VRK2: variants seen among roughly 807,000 people sequenced by gnomAD.
The protein encoded by VRK2 is VRK serine/threonine kinase 2, also known as serine/threonine-protein kinase VRK2.
VRK2 carries 60 observed loss-of-function variants against 57.6 expected under a neutral mutation model. The observed-to-expected ratio is 1.04, with a 90% CI of 0.85 to 1.29. The LOEUF is 1.29. Ranked by LOEUF, VRK2 falls within the 50% of genes most tolerant of loss-of-function variation. The pLI is 0.00. For synonymous variants in VRK2, 231 were observed against 199.2 expected (o/e 1.16, Z -1.35); for missense variants, 705 against 588.1 (o/e 1.20, Z -2.06).
chr2:57,911,916 T>C (rs1207548922), intron 1 of VRK2, among the ~76,000 whole-genome samples: 1 of 152,168 alleles, frequency 6.6e-6, no homozygotes, highest in Non-Finnish European at 1.5e-5. Flanking sequence ...ACTGGGAATA[T>C]AATGAGTTAT....
chr2:57,957,628 C>CTATA (rs72419717), intron 1 of VRK2, among the ~76,000 whole-genome samples: 2,665 of 144,984 alleles, frequency 0.018, 100 homozygotes, highest in African/African-American at 0.061. Context: ...ATATATATTT[C>CTATA]TATATATATA....
rs561406931 is a variant in VRK2, at chr2:57,960,737, A to G, written c.-439+52898A>G. On this transcript the variant is annotated intron_variant, in intron 1 of 15. Coordinates refer to the VRK2 transcript ENST00000417641. ...AGCAAAGTAGATTAAAGCGGAAGAA[A>G]TGAAATTAAATACAGATTAGATGTG... Among the ~76,000 whole-genome samples the G allele has an allele frequency of 1.2e-4, 18 of 152,324 alleles. 1 individual carries two copies. In the South Asian group the frequency reaches 3.7e-3, roughly 32 times the overall value.
rs1673422337 is a variant in VRK2, at chr2:58,011,661, TATTTTATTTTGTAA to T, written c.-438-13992_-438-13979del. ...ATGGTATTTACATTTTATTTTGTTA[TATTTTATTTTGTAA>T]ATTTTATTTTGACATTTTATTTTGC... On this transcript the variant is annotated intron_variant, in intron 1 of 15. Transcript: ENST00000417641. Among the ~76,000 whole-genome samples, 7 of 152,352 alleles carry T rather than the reference TATTTTATTTTGTAA, an allele frequency of 4.6e-5. No individual in the cohort carries two copies. The South Asian group carries it at 1.0e-3, about 23-fold the overall frequency.
chr2:58,109,803 G>A (rs1187457171), intron 7 of VRK2, among the ~76,000 whole-genome samples: 1 of 152,100 alleles, frequency 6.6e-6, no homozygotes, highest in Non-Finnish European at 1.5e-5. Flanking sequence ...TACATATAAA[G>A]GCCATTCTCT....
chr2:58,004,549 C>A (rs1205936783), intron 1 of VRK2, among the ~76,000 whole-genome samples: 1 of 151,998 alleles, frequency 6.6e-6, no homozygotes, highest in Admixed American at 6.5e-5. Flanking sequence ...ACCTGAGCTT[C>A]AAGAAAAATA....
intron 3 of VRK2, among the ~76,000 whole-genome samples, chr2:58,041,577 T>C (rs1472092486): frequency 6.6e-6 from 1 of 152,178 alleles, no homozygotes; most frequent in East Asian, 1.9e-4. Context: ...AAGCAGTTTA[T>C]CCCCAAATAT....
intron 2 of VRK2, among the ~76,000 whole-genome samples, chr2:58,062,085 T>C (rs1677429232): frequency 6.6e-6 from 1 of 152,112 alleles, no homozygotes; most frequent in African/African-American, 2.4e-5. Context: ...GTGGGCTTCA[T>C]GCATGTCTCT....
At chr2:58,132,808 T>G (rs2104547160) in intron 9 of VRK2, among the ~76,000 whole-genome samples, 1 of 152,258 alleles carries the variant, frequency 6.6e-6, no homozygotes, top group South Asian at 2.1e-4. Flanking sequence ...TTCAGAAAAA[T>G]ACATATTACA....
At chr2:57,936,708 G>A (rs1670921659) in intron 1 of VRK2, among the ~76,000 whole-genome samples, 1 of 151,522 alleles carries the variant, frequency 6.6e-6, no homozygotes, top group Admixed American at 6.6e-5. Context: ...TATTTTTATT[G>A]TACCTCTTCC....
chr2:57,930,891 G>A (rs181470024), intron 1 of VRK2, among the ~76,000 whole-genome samples: 5 of 151,662 alleles, frequency 3.3e-5, no homozygotes, highest in South Asian at 4.2e-4. Flanking sequence ...ATATCCTCCC[G>A]GTTTATCTAT....
chr2:58,044,444 G>A (rs1674592369), upstream of VRK2, among the ~76,000 whole-genome samples: 2 of 152,086 alleles, frequency 1.3e-5, no homozygotes, highest in Admixed American at 6.5e-5. Flanking sequence ...TAGGGGTTGG[G>A]GATACAGTAG....
At chr2:57,929,779 G>A (rs774792079) in intron 1 of VRK2, among the ~76,000 whole-genome samples, 7 of 152,074 alleles carry the variant, frequency 4.6e-5, no homozygotes, top group Non-Finnish European at 7.4e-5. Flanking sequence ...AGCAGGTGAC[G>A]AATCCTTCTA....
At chr2:57,942,667 G>A (rs1671137404) in intron 1 of VRK2, among the ~76,000 whole-genome samples, 3 of 152,046 alleles carry the variant, frequency 2.0e-5, no homozygotes, top group African/African-American at 2.4e-5. Flanking sequence ...TACCTTGCAG[G>A]GCCATGTTCG....
intron 1 of VRK2, among the ~76,000 whole-genome samples, chr2:57,994,416 T>C (rs1672861757): frequency 6.6e-6 from 1 of 152,202 alleles, no homozygotes; most frequent in Admixed American, 6.5e-5. Context: ...TTTTCCAAAA[T>C]GAAGGTTTTT....
chr2:58,158,059 G>A (rs973456497), intron 12 of VRK2, among the ~76,000 whole-genome samples: 3 of 152,156 alleles, frequency 2.0e-5, no homozygotes, highest in East Asian at 3.9e-4. Context: ...GAGATTAAGT[G>A]TATAGATTAC....
intron 2 of VRK2, among the ~76,000 whole-genome samples, chr2:58,071,072 C>T (rs1669299351): frequency 6.6e-6 from 1 of 152,052 alleles, no homozygotes; most frequent in Non-Finnish European, 1.5e-5. Flanking sequence ...TGATGTTAAG[C>T]ATCTTTTCGT....
chr2:58,158,171 C>G (rs1684280048), intron 12 of VRK2, among the ~76,000 whole-genome samples: 1 of 72,640 alleles, frequency 1.4e-5, no homozygotes, highest in Admixed American at 1.7e-4. Context: ...AAATGCTGCT[C>G]TATGATTTGA....
At chr2:58,046,973 G>A (rs183084420) in intron 1 of VRK2, 105 bp downstream of exon 1, 9,947 of 985,346 alleles carry the variant, frequency 0.01, 56 homozygotes, top group Non-Finnish European at 0.011. Context: ...GTTAGATGCC[G>A]GGGACTCCGG....
chr2:58,059,253 A>G (rs2103875684), intron 2 of VRK2, among the ~76,000 whole-genome samples: 1 of 152,198 alleles, frequency 6.6e-6, no homozygotes. Context: ...CCAATAGTTC[A>G]TGCAATCTGA....
Sources: gnomAD v4.1 joint callset for allele counts (sites outside exome capture counted in the v4.1 genomes callset) on GRCh38, gnomAD v4.1.1 for gene constraint, MANE v1.5 for transcripts, NCBI Gene and HGNC (gene_info 2026-07-23, HGNC 2026-07-21) for gene names.